METTL15: variants seen among roughly 807,000 people sequenced by gnomAD.
METTL15 encodes the protein methyltransferase 15, mitochondrial 12S rRNA N4-cytidine.
In METTL15, 34 loss-of-function variants were observed where a neutral mutation model predicts 38.3. That is an observed-to-expected ratio of 0.89 (90% CI 0.68 to 1.18). The LOEUF is 1.18. Ranked by LOEUF, METTL15 falls within the 50% of genes most tolerant of loss-of-function variation. The pLI is 0.00. For missense variants in METTL15, 438 were observed against 498.4 expected (o/e 0.88, Z 1.15); for synonymous variants, 162 against 170.9 (o/e 0.95, Z 0.41).
chr11:28,497,004 G>A (rs1851540365), intron 6 of METTL15, among the ~76,000 whole-genome samples: 1 of 152,212 alleles, frequency 6.6e-6, no homozygotes, highest in African/African-American at 2.4e-5. Context: ...GCTGGACATT[G>A]AGGCTAGTAC....
At chr11:28,436,379 C>T (rs1850982187) in intron 6 of METTL15, among the ~76,000 whole-genome samples, 1 of 152,164 alleles carries the variant, frequency 6.6e-6, no homozygotes, top group Non-Finnish European at 1.5e-5. Flanking sequence ...CTTAAAATAA[C>T]AACTGTATAT....
At position 28,129,490 on chromosome 11, in the gene METTL15, A is replaced by G. The variant is rs75891587; in HGVS notation, c.270+15886A>G. On this transcript the variant is annotated intron_variant, in intron 3 of 6. Transcript: ENST00000407364. ...AGTGGCACGATCTTGGCTCACTGCAACCTCCTCCTCCCAGGTTCAAGAGAT... is the reference window on the plus strand; with the variant it reads ...AGTGGCACGATCTTGGCTCACTGCAGCCTCCTCCTCCCAGGTTCAAGAGAT... Among the ~76,000 whole-genome samples the G allele has an allele frequency of 6.5e-4, 98 of 151,784 alleles. 1 individual carries two copies. The East Asian group carries it at 0.014, about 22-fold the overall frequency.
At chr11:28,238,402 C>T (rs966890381) in intron 4 of METTL15, among the ~76,000 whole-genome samples, 5 of 152,212 alleles carry the variant, frequency 3.3e-5, no homozygotes, top group African/African-American at 9.7e-5. Flanking sequence ...GCTTAGGACC[C>T]TCTGAGCCAG....
At chr11:28,315,029 C>T (rs1482585654) in intron 6 of METTL15, among the ~76,000 whole-genome samples, 1 of 152,132 alleles carries the variant, frequency 6.6e-6, no homozygotes, top group Non-Finnish European at 1.5e-5. Context: ...ATGCCTTTAT[C>T]TGCAGCATGA....
At chr11:28,214,643 T>G (rs1416177649) in intron 4 of METTL15, among the ~76,000 whole-genome samples, 1 of 152,192 alleles carries the variant, frequency 6.6e-6, no homozygotes, top group African/African-American at 2.4e-5. Flanking sequence ...CAGTAATTAT[T>G]TTCCTAAAAT....
chr11:28,515,198 G>GTAAA (rs1851709361), intron 6 of METTL15, among the ~76,000 whole-genome samples: 1 of 152,132 alleles, frequency 6.6e-6, no homozygotes, highest in Non-Finnish European at 1.5e-5. Flanking sequence ...CAGGGAACTG[G>GTAAA]TAAATAGGAG....
rs754185248 is a variant in METTL15, at chr11:28,374,230, C to T, written c.*358+12194C>T. On this transcript the variant is annotated intron_variant and NMD_transcript_variant, in intron 5 of 7. Coordinates refer to the METTL15 transcript ENST00000532947. ...GTCATTGGTAGCTTGATGGGGATGG[C>T]ATTGAATCTGTAAATTACCTTGGGC... 4.6e-5 allele frequency among the ~76,000 whole-genome samples: 7 copies of T among 152,168 alleles called. No individual in the cohort carries two copies. The South Asian group carries it at 1.2e-3, about 27-fold the overall frequency.
chr11:28,284,895 A>G lies in METTL15; in HGVS notation c.408-5311A>G, dbSNP rs1277970189. 7.2e-5 allele frequency among the ~76,000 whole-genome samples: 11 copies of G among 152,268 alleles called. No individual in the cohort carries two copies. The East Asian group carries it at 1.7e-3, about 24-fold the overall frequency. The stretch of plus-strand genomic sequence containing the variant: ...ATACATGGTGATATGGTTTGGCTCT[A>G]TGTCCCCATCCAAATCTCACCTCAA... On this transcript the variant is annotated intron_variant, in intron 4 of 6. Transcript: ENST00000407364.
At chr11:28,416,583 A>G (rs1850774260) in intron 5 of METTL15, among the ~76,000 whole-genome samples, 1 of 152,216 alleles carries the variant, frequency 6.6e-6, no homozygotes, top group African/African-American at 2.4e-5. Context: ...GAAACCAGGT[A>G]TAGGTGAATT....
At chr11:28,246,159 G>C (rs1181709158) in intron 4 of METTL15, among the ~76,000 whole-genome samples, 1 of 151,996 alleles carries the variant, frequency 6.6e-6, no homozygotes, top group African/African-American at 2.4e-5. Context: ...GTAATATATT[G>C]TACATTTCAA....
At chr11:28,115,354 G>T (rs934422540) in intron 3 of METTL15, among the ~76,000 whole-genome samples, 16 of 151,756 alleles carry the variant, frequency 1.1e-4, no homozygotes, top group African/African-American at 3.9e-4. Flanking sequence ...TGCTTCCCGG[G>T]TTCAATTGAT....
At chr11:28,219,575 A>C (rs756436835) in intron 4 of METTL15, among the ~76,000 whole-genome samples, 1 of 151,670 alleles carries the variant, frequency 6.6e-6, no homozygotes, top group Non-Finnish European at 1.5e-5. Context: ...TTCTGCTCTG[A>C]TGTTAGTTAT....
intron 6 of METTL15, among the ~76,000 whole-genome samples, chr11:28,513,331 C>T (rs938982344): frequency 6.6e-6 from 1 of 152,114 alleles, no homozygotes; most frequent in African/African-American, 2.4e-5. Flanking sequence ...TGTGCTTATG[C>T]CTTTGCTGTA....
At chr11:28,298,746 CAT>C (rs1185195595) in intron 6 of METTL15, among the ~76,000 whole-genome samples, 5 of 151,952 alleles carry the variant, frequency 3.3e-5, no homozygotes, top group African/African-American at 1.2e-4. Flanking sequence ...GCCATTGAAA[CAT>C]TGAGTTATCT....
rs375568273 is a variant in METTL15, at chr11:28,328,149, G to T, written c.779-2247G>T. 14 of 1,610,880 alleles carry T rather than the reference G, an allele frequency of 8.7e-6. No homozygotes were observed. The Admixed American group carries it at 2.4e-4, about 27-fold the overall frequency. On this transcript the variant is annotated intron_variant, in intron 6 of 6. Transcript: ENST00000407364. ...CAAACTCTTTATTAGGAAAATGGAC[G>T]AATTGAATAGCAAATGGTAAGAAGC...
chr11:28,267,721 G>A (rs1416731653), intron 4 of METTL15, among the ~76,000 whole-genome samples: 1 of 152,084 alleles, frequency 6.6e-6, no homozygotes, highest in East Asian at 1.9e-4. Context: ...ACTCACAGAG[G>A]TTACCTAACT....
chr11:28,497,688 C>G (rs1188835023), intron 6 of METTL15, among the ~76,000 whole-genome samples: 2 of 152,138 alleles, frequency 1.3e-5, no homozygotes, highest in African/African-American at 4.8e-5. Context: ...AAGATGGCAT[C>G]CTCTAGAGCA....
chr11:28,407,079 G>C (rs763752847), intron 5 of METTL15, among the ~76,000 whole-genome samples: 1 of 151,978 alleles, frequency 6.6e-6, no homozygotes, highest in Non-Finnish European at 1.5e-5. Flanking sequence ...TTCTGGATTC[G>C]GTTTGCCAGT....
At chr11:28,158,762 T>C (rs1478248960) in intron 3 of METTL15, among the ~76,000 whole-genome samples, 1 of 152,172 alleles carries the variant, frequency 6.6e-6, no homozygotes, top group African/African-American at 2.4e-5. Context: ...CTCATGCTCA[T>C]GGAATTTACT....
Sources: gnomAD v4.1 joint callset for allele counts (sites outside exome capture counted in the v4.1 genomes callset) on GRCh38, gnomAD v4.1.1 for gene constraint, MANE v1.5 for transcripts, NCBI Gene and HGNC (gene_info 2026-07-23, HGNC 2026-07-21) for gene names.